ADGRL3: variants seen among roughly 807,000 people sequenced by gnomAD.
ADGRL3 encodes the protein adhesion G protein-coupled receptor L3.
In ADGRL3, 62 loss-of-function variants were observed where a neutral mutation model predicts 153.5. The ratio of observed to expected loss-of-function variants is 0.40; its 90% CI spans 0.33 to 0.50. ADGRL3 has a LOEUF of 0.50. ADGRL3 is among the 20% of genes least tolerant of loss of function. The probability of loss-of-function intolerance (pLI) is 0.47; values close to 1 mark genes in which losing one functional copy is unlikely to be tolerated. For synonymous variants in ADGRL3, 710 were observed against 672.5 expected (o/e 1.06, Z -0.86); for missense variants, 1,641 against 1,859.4 (o/e 0.88, Z 2.16).
Position 61,615,690 on chromosome 4 carries a change from G to A in ADGRL3, c.473+28250G>A, listed in dbSNP as rs981400249. Among the ~76,000 whole-genome samples the A allele has an allele frequency of 4.6e-5, 7 of 151,956 alleles. No homozygotes were observed. The East Asian group carries it at 7.7e-4, about 17-fold the overall frequency. On this transcript the variant is annotated intron_variant, in intron 5 of 26. Transcript: ENST00000683033. ...CTTTGGGGTAGAAGGTAAAGAGACC[G>A]CCTTACCTTATTTAATGAGTCATTT...
intron 14 of ADGRL3, 72 bp downstream of exon 14, chr4:61,935,095 T>C (rs1276495810): frequency 7.7e-7 from 1 of 1,300,596 alleles, no homozygotes; most frequent in Non-Finnish European, 1.1e-6. Context: ...AAAAAGTATC[T>C]CTGGTGTCCT....
At chr4:61,863,814 A>G (rs2098373846) in intron 9 of ADGRL3, among the ~76,000 whole-genome samples, 1 of 152,182 alleles carries the variant, frequency 6.6e-6, no homozygotes, top group South Asian at 2.1e-4. Flanking sequence ...TCATACAAGC[A>G]TTGTTTCATA....
intron 23 of ADGRL3, among the ~76,000 whole-genome samples, chr4:62,031,962 C>G (rs1232457758): frequency 1.3e-5 from 1 of 78,288 alleles, no homozygotes; most frequent in Admixed American, 1.3e-4. Context: ...GTTATACACA[C>G]ACACACACAC....
chr4:61,425,763 C>T (rs947877044), intron 2 of ADGRL3, among the ~76,000 whole-genome samples: 3 of 152,280 alleles, frequency 2.0e-5, no homozygotes, highest in Admixed American at 6.5e-5. Context: ...CAGTCATTCA[C>T]GGAGGCCATA....
intron 1 of ADGRL3, among the ~76,000 whole-genome samples, chr4:61,268,696 C>T (rs1014484253): frequency 1.3e-5 from 2 of 151,252 alleles, no homozygotes; most frequent in Non-Finnish European, 3.0e-5. Flanking sequence ...AAATATGACA[C>T]ATATTTGGAA....
chr4:61,454,644 G>A (rs1187254750), intron 2 of ADGRL3, among the ~76,000 whole-genome samples: 1 of 152,002 alleles, frequency 6.6e-6, no homozygotes, highest in African/African-American at 2.4e-5. Context: ...CAAGTGGTAA[G>A]CTTGTTGTTT....
chr4:61,583,723 G>T (rs1169842201), intron 4 of ADGRL3: 1 of 518,366 alleles, frequency 1.9e-6, no homozygotes, highest in East Asian at 5.5e-5. Context: ...TGGCATCCTA[G>T]CAGAAGGTTT....
At chr4:61,507,013 AGAGAT>A (rs2098435183) in intron 3 of ADGRL3, among the ~76,000 whole-genome samples, 1 of 152,232 alleles carries the variant, frequency 6.6e-6, no homozygotes, top group African/African-American at 2.4e-5. Flanking sequence ...CCAAGCTGTT[AGAGAT>A]ATCACAAGAG....
At chr4:61,957,938 G>A (rs535482506) in intron 17 of ADGRL3, among the ~76,000 whole-genome samples, 160 of 152,060 alleles carry the variant, frequency 1.1e-3, no homozygotes, top group Non-Finnish European at 2.1e-3. Flanking sequence ...AAAAAGTATC[G>A]TTTTCAGTGT....
At chr4:61,397,409 A>T (rs2152078452) in intron 2 of ADGRL3, among the ~76,000 whole-genome samples, 1 of 152,076 alleles carries the variant, frequency 6.6e-6, no homozygotes, top group South Asian at 2.1e-4. Context: ...TCAAAAAGAA[A>T]TGAGGCAAGT....
chr4:61,775,847 CCA>C, intron 8 of ADGRL3: 1 of 522,434 alleles, frequency 1.9e-6, no homozygotes, highest in Non-Finnish European at 3.5e-6. Context: ...CCTTCCTCGG[CCA>C]TGGCGGTGGG....
At chr4:61,476,974 A>G (rs893158537) in intron 2 of ADGRL3, among the ~76,000 whole-genome samples, 4 of 151,800 alleles carry the variant, frequency 2.6e-5, no homozygotes, top group South Asian at 4.1e-4. Context: ...GTAGTTAGTT[A>G]TTTTGTTCAG....
At chr4:61,354,396 GT>G (rs2096119719) in intron 1 of ADGRL3, among the ~76,000 whole-genome samples, 1 of 152,008 alleles carries the variant, frequency 6.6e-6, no homozygotes, top group Admixed American at 6.6e-5. Flanking sequence ...TATATAAATT[GT>G]TTAAAAAATA....
At position 61,426,708 on chromosome 4, in the gene ADGRL3, C is replaced by G. The variant is rs1425625819; in HGVS notation, c.-174+43519C>G. ...GTTCCCTAATCAAACACAAAAGGCTCTTTACCTCCACCCACCTTCAAGTAG... is the reference window on the plus strand; with the variant it reads ...GTTCCCTAATCAAACACAAAAGGCTGTTTACCTCCACCCACCTTCAAGTAG... On this transcript the variant is annotated intron_variant, in intron 2 of 26. Transcript: ENST00000683033. The G allele has an allele frequency of 2.0e-5, 3 of 152,308 alleles. No homozygotes were observed. In the East Asian group the frequency reaches 5.8e-4, roughly 29 times the overall value. 9.4% of individuals were successfully genotyped at this position (152,308 alleles called of 1,614,324 possible).
intron 4 of ADGRL3, among the ~76,000 whole-genome samples, chr4:61,584,049 A>G (rs2098936522): frequency 6.6e-6 from 1 of 150,904 alleles, no homozygotes; most frequent in African/African-American, 2.4e-5. Flanking sequence ...TAGCATGATA[A>G]CTGAATGGCA....
At chr4:61,915,145 T>C (rs1338756447) in intron 13 of ADGRL3, among the ~76,000 whole-genome samples, 1 of 151,626 alleles carries the variant, frequency 6.6e-6, no homozygotes, top group African/African-American at 2.4e-5. Context: ...ATTTGCATTT[T>C]ATTTTATAAA....
chr4:62,068,102 C>A, intron 25 of ADGRL3, 64 bp from the exon 26 acceptor site: 4 of 1,138,734 alleles, frequency 3.5e-6, no homozygotes, highest in Non-Finnish European at 2.4e-6. Flanking sequence ...ACTCATGTTT[C>A]TTCTACTGTC....
At chr4:61,742,019 G>A (rs2096586167) in intron 8 of ADGRL3, among the ~76,000 whole-genome samples, 1 of 152,166 alleles carries the variant, frequency 6.6e-6, no homozygotes, top group Admixed American at 6.5e-5. Context: ...TCATTAGCAT[G>A]TCCACCAGAG....
intron 9 of ADGRL3, among the ~76,000 whole-genome samples, chr4:61,831,837 C>A (rs562454977): frequency 6.6e-6 from 1 of 151,954 alleles, no homozygotes. Flanking sequence ...ATCAAGACTG[C>A]GGTCTTTTAC....
Sources: allele counts gnomAD v4.1 joint callset (sites outside exome capture counted in the v4.1 genomes callset), GRCh38; gene constraint gnomAD v4.1.1; transcripts MANE v1.5; gene names NCBI Gene and HGNC (gene_info 2026-07-23, HGNC 2026-07-21).